Variants in MACROD2 observed in about 807,000 individuals in gnomAD.
MACROD2 encodes the protein mono-ADP ribosylhydrolase 2.
MACROD2 carries 36 observed loss-of-function variants against 70.4 expected under a neutral mutation model. That is an observed-to-expected ratio of 0.51 (90% CI 0.39 to 0.68). The LOEUF (loss-of-function observed/expected upper bound fraction) is 0.68, where lower values mean the gene tolerates loss of function less well. Among genes scored for constraint, MACROD2 ranks in the 30% least tolerant of loss-of-function variants. The pLI is 0.00. For missense variants in MACROD2, 496 were observed against 538.4 expected (o/e 0.92, Z 0.78); for synonymous variants, 172 against 178.8 (o/e 0.96, Z 0.30).
chr20:15,398,467 G>A (rs2045888555), intron 6 of MACROD2, among the ~76,000 whole-genome samples: 1 of 152,170 alleles, frequency 6.6e-6, no homozygotes, highest in African/African-American at 2.4e-5. Context: ...AGGTGTAAGA[G>A]TACAGTTGTA....
chr20:15,763,588 A>G (rs947768845), intron 8 of MACROD2, among the ~76,000 whole-genome samples: 1 of 152,228 alleles, frequency 6.6e-6, no homozygotes, highest in Non-Finnish European at 1.5e-5. Flanking sequence ...TGATACAGTC[A>G]TAGCTACATG....
chr20:15,529,958 CAGGT>C (rs991781463), intron 8 of MACROD2, among the ~76,000 whole-genome samples: 1 of 152,066 alleles, frequency 6.6e-6, no homozygotes, highest in African/African-American at 2.4e-5. Flanking sequence ...CGGAGGTCAA[CAGGT>C]AGAAGAAATT....
intron 5 of MACROD2, among the ~76,000 whole-genome samples, chr20:14,763,174 T>G (rs993538127): frequency 1.3e-5 from 2 of 151,904 alleles, no homozygotes; most frequent in Non-Finnish European, 2.9e-5. Context: ...TATGCAAGTC[T>G]TCTGTATTTT....
intron 3 of MACROD2, among the ~76,000 whole-genome samples, chr20:14,158,189 C>G (rs559901544): frequency 6.6e-6 from 1 of 152,092 alleles, no homozygotes; most frequent in African/African-American, 2.4e-5. Context: ...TGATGTTGAG[C>G]ATTTTTTCAT....
At chr20:14,540,448 A>G (rs1432908592) in intron 4 of MACROD2, among the ~76,000 whole-genome samples, 3 of 152,164 alleles carry the variant, frequency 2.0e-5, no homozygotes, top group East Asian at 1.9e-4. Context: ...TATTAAACAG[A>G]AAAAGAGAGT....
chr20:14,076,696 A>G (rs2053920374), intron 2 of MACROD2, among the ~76,000 whole-genome samples: 1 of 151,852 alleles, frequency 6.6e-6, no homozygotes, highest in African/African-American at 2.4e-5. Context: ...TCCACCCCCC[A>G]AAGAAGTACA....
At chr20:14,037,288 A>G (rs1218040838) in intron 2 of MACROD2, among the ~76,000 whole-genome samples, 5 of 152,218 alleles carry the variant, frequency 3.3e-5, no homozygotes, top group Admixed American at 3.3e-4. Context: ...GCCAAAATAC[A>G]TGTAATAATG....
intron 4 of MACROD2, among the ~76,000 whole-genome samples, chr20:14,681,072 T>C (rs987729789): frequency 3.9e-5 from 6 of 152,142 alleles, no homozygotes; most frequent in Non-Finnish European, 8.8e-5. Context: ...CAGGGAAATG[T>C]GCATTGAATA....
chr20:14,158,292 T>G (rs1297781633), intron 3 of MACROD2, among the ~76,000 whole-genome samples: 1 of 152,204 alleles, frequency 6.6e-6, no homozygotes, highest in Non-Finnish European at 1.5e-5. Context: ...TTTCTCAAAC[T>G]ATTGAGTTGT....
chr20:14,487,155 T>G (rs1287027717), intron 3 of MACROD2, among the ~76,000 whole-genome samples: 2 of 152,212 alleles, frequency 1.3e-5, no homozygotes, highest in Admixed American at 6.5e-5. Context: ...GGTTTTCTGT[T>G]AAGTCCTAGC....
At chr20:14,964,877 G>A (rs989198266) in intron 5 of MACROD2, among the ~76,000 whole-genome samples, 5 of 152,184 alleles carry the variant, frequency 3.3e-5, no homozygotes, top group Non-Finnish European at 7.3e-5. Flanking sequence ...CCCTCAAGTG[G>A]TGAAGCAGGT....
chr20:15,340,122 CTTTCTTTCTTTTTTTTTTT>C (rs1432611458), intron 6 of MACROD2, among the ~76,000 whole-genome samples: 2 of 81,880 alleles, frequency 2.4e-5, no homozygotes, highest in Non-Finnish European at 4.7e-5. Flanking sequence ...TTCTTTCTTT[CTTTCTTTCTTTTTTTTTTT>C]TTTTTTTTTT....
intron 8 of MACROD2, among the ~76,000 whole-genome samples, chr20:15,769,974 A>G (rs1407589238): frequency 6.6e-6 from 1 of 151,674 alleles, no homozygotes; most frequent in Non-Finnish European, 1.5e-5. Context: ...ACACACATGC[A>G]TGTGTGTGAG....
At chr20:15,971,568 A>G (rs1462192295) in intron 13 of MACROD2, among the ~76,000 whole-genome samples, 1 of 152,084 alleles carries the variant, frequency 6.6e-6, no homozygotes, top group Non-Finnish European at 1.5e-5. Flanking sequence ...AGTCTTGGGT[A>G]TTTCTTCATA....
intron 7 of MACROD2, among the ~76,000 whole-genome samples, chr20:15,445,034 C>A (rs532290309): frequency 6.6e-6 from 1 of 152,094 alleles, no homozygotes; most frequent in Non-Finnish European, 1.5e-5. Context: ...TCTTTTAGGG[C>A]AGGGACTTTG....
chr20:15,357,999 G>T (rs1022750642), intron 6 of MACROD2, among the ~76,000 whole-genome samples: 1 of 151,782 alleles, frequency 6.6e-6, no homozygotes, highest in African/African-American at 2.4e-5. Context: ...TAGTAGAGAC[G>T]GGGTTTCACC....
intron 8 of MACROD2, among the ~76,000 whole-genome samples, chr20:15,766,328 A>G (rs1600859488): frequency 6.6e-6 from 1 of 152,210 alleles, no homozygotes; most frequent in East Asian, 1.9e-4. Flanking sequence ...AGAGGACTTA[A>G]TATTCCTTTT....
chr20:14,545,505 C>T (rs1452664729), intron 4 of MACROD2, among the ~76,000 whole-genome samples: 1 of 152,130 alleles, frequency 6.6e-6, no homozygotes, highest in Non-Finnish European at 1.5e-5. Flanking sequence ...TACCATCTTC[C>T]AGTTTAATTA....
intron 5 of MACROD2, among the ~76,000 whole-genome samples, chr20:14,798,935 G>C (rs987427733): frequency 2.0e-5 from 3 of 151,862 alleles, no homozygotes; most frequent in Admixed American, 6.6e-5. Flanking sequence ...AATCGGGACA[G>C]ATTTTTCTGG....
Sources: gnomAD v4.1 joint callset for allele counts (sites outside exome capture counted in the v4.1 genomes callset) on GRCh38, gnomAD v4.1.1 for gene constraint, MANE v1.5 for transcripts, NCBI Gene and HGNC (gene_info 2026-07-23, HGNC 2026-07-21) for gene names.